MAP3K20: variants seen among roughly 807,000 people sequenced by gnomAD.
MAP3K20 encodes mitogen-activated protein kinase kinase kinase 20, also known as HCCS-4.
MAP3K20 carries 40 observed loss-of-function variants against 85.7 expected under a neutral mutation model. That is an observed-to-expected ratio of 0.47 (90% CI 0.36 to 0.61). MAP3K20 has a LOEUF of 0.61. MAP3K20 is among the 20% of genes least tolerant of loss of function. MAP3K20 has a pLI of 0.00. For synonymous variants in MAP3K20, 325 were observed against 327.7 expected (o/e 0.99, Z 0.09); for missense variants, 817 against 961.7 (o/e 0.85, Z 1.99).
intron 2 of MAP3K20, among the ~76,000 whole-genome samples, chr2:173,091,762 G>A (rs1274066696): frequency 6.6e-6 from 1 of 152,150 alleles, no homozygotes; most frequent in African/African-American, 2.4e-5. Context: ...TCAGAAAAGG[G>A]TCTTGGCTTT....
intron 2 of MAP3K20, among the ~76,000 whole-genome samples, chr2:173,161,634 A>G (rs1438267030): frequency 6.6e-6 from 1 of 152,210 alleles, no homozygotes; most frequent in African/African-American, 2.4e-5. Flanking sequence ...TCTAAAGGGT[A>G]GCAGACCATA....
At position 173,076,101 on chromosome 2, in the gene MAP3K20, G is replaced by A. The variant is rs1290936751; in HGVS notation, c.-35+99G>A. On this transcript the variant is annotated intron_variant, in intron 1 of 19. Coordinates refer to ENST00000375213, the MANE Select transcript of MAP3K20 (RefSeq NM_016653.3). ...TGCGTCTCGGGGCCGAGGCTCCGCC[G>A]GAGCCCGGGAGTCTAGGCGGCCTCG... 9.2e-6 allele frequency: 8 copies of A among 872,128 alleles called. No individual in the cohort carries two copies. In the African/African-American group the frequency reaches 1.1e-4, roughly 12 times the overall value. 54.0% of individuals were successfully genotyped at this position (872,128 alleles called of 1,614,324 possible).
rs1237947488 is a variant in MAP3K20, at chr2:173,239,105, C to T, written c.1267-299C>T. On this transcript the variant is annotated intron_variant, in intron 15 of 19. Coordinates refer to ENST00000375213, the MANE Select transcript of MAP3K20 (RefSeq NM_016653.3). ...GAAGTTGAAATCTCACAATGCATCT[C>T]TAGGTGCTAAGTGCATTTCTAGGGT... Among the ~76,000 whole-genome samples the T allele has an allele frequency of 2.0e-5, 3 of 152,262 alleles. No homozygotes were observed. In the East Asian group the frequency reaches 5.8e-4, roughly 29 times the overall value.
At chr2:173,260,347 G>C (rs886970013) in intron 17 of MAP3K20, among the ~76,000 whole-genome samples, 1 of 152,256 alleles carries the variant, frequency 6.6e-6, no homozygotes, top group Middle Eastern at 3.4e-3. Context: ...CAGCCTGGGC[G>C]ACAGAGTGAG....
At chr2:173,080,738 C>T (rs1487886383) in intron 1 of MAP3K20, among the ~76,000 whole-genome samples, 4 of 152,116 alleles carry the variant, frequency 2.6e-5, no homozygotes, top group African/African-American at 9.7e-5. Context: ...TGTCCTGTTC[C>T]CAAGTTATAC....
chr2:173,150,134 G>T (rs1309007097), intron 2 of MAP3K20, among the ~76,000 whole-genome samples: 2 of 152,238 alleles, frequency 1.3e-5, no homozygotes. Context: ...TGTGGTGATT[G>T]TGAGTCTAAA....
chr2:173,263,936 G>A, intron 19 of MAP3K20, 41 bp downstream of exon 19: 1 of 1,568,108 alleles, frequency 6.4e-7, no homozygotes, highest in African/African-American at 1.4e-5. Flanking sequence ...CTAGATTCCA[G>A]AAACTTAATT....
chr2:173,234,472 C>T (rs931342049), intron 14 of MAP3K20, among the ~76,000 whole-genome samples: 5 of 152,142 alleles, frequency 3.3e-5, no homozygotes, highest in Admixed American at 6.5e-5. Flanking sequence ...ATCCCCTTGG[C>T]AACTGGGAGG....
At chr2:173,251,428 T>C (rs1685040346) in intron 16 of MAP3K20, among the ~76,000 whole-genome samples, 1 of 152,222 alleles carries the variant, frequency 6.6e-6, no homozygotes, top group Admixed American at 6.5e-5. Flanking sequence ...ATGACCTGGC[T>C]ACAAATCTCC....
intron 9 of MAP3K20, among the ~76,000 whole-genome samples, chr2:173,205,354 A>C (rs562096304): frequency 6.6e-6 from 1 of 152,244 alleles, no homozygotes; most frequent in East Asian, 1.9e-4. Context: ...ATGGCCATAA[A>C]ATATACTCTG....
chr2:173,078,268 C>T (rs1686921105), intron 1 of MAP3K20, among the ~76,000 whole-genome samples: 1 of 151,944 alleles, frequency 6.6e-6, no homozygotes, highest in African/African-American at 2.4e-5. Flanking sequence ...ATAAGATAGC[C>T]CTATGTCTGT....
chr2:173,222,093 T>G, intron 11 of MAP3K20: 1 of 913,200 alleles, frequency 1.1e-6, no homozygotes, highest in South Asian at 5.1e-5. Flanking sequence ...TCCCAGATAC[T>G]TGGGAGGCCA....
chr2:173,122,134 C>T (rs961178074), intron 2 of MAP3K20, among the ~76,000 whole-genome samples: 1 of 152,198 alleles, frequency 6.6e-6, no homozygotes, highest in Non-Finnish European at 1.5e-5. Flanking sequence ...AGCAATCACC[C>T]GTGAATTAAT....
intron 2 of MAP3K20, among the ~76,000 whole-genome samples, chr2:173,094,658 G>T (rs889256462): frequency 6.6e-6 from 1 of 152,104 alleles, no homozygotes; most frequent in Admixed American, 6.5e-5. Flanking sequence ...CTCATTTGGG[G>T]TTTATGTGAT....
chr2:173,197,461 C>T (rs1690886059), intron 7 of MAP3K20, among the ~76,000 whole-genome samples: 1 of 152,164 alleles, frequency 6.6e-6, no homozygotes, highest in African/African-American at 2.4e-5. Context: ...CTTAGACCGA[C>T]TCATTTTGCG....
intron 2 of MAP3K20, among the ~76,000 whole-genome samples, chr2:173,144,168 A>G (rs1487173033): frequency 1.3e-5 from 2 of 151,992 alleles, no homozygotes; most frequent in African/African-American, 4.8e-5. Flanking sequence ...AAAGAAAATA[A>G]AAGAAAGAAA....
At position 173,185,236 on chromosome 2, in the gene MAP3K20, G is replaced by A. The variant is rs143640089; in HGVS notation, c.349+2281G>A. Among the ~76,000 whole-genome samples, 388 of 152,166 alleles carry A rather than the reference G, an allele frequency of 2.5e-3. 2 individuals carry two copies. Among genetic ancestry groups the A allele is most frequent in the African/African-American group, 9.0e-3 (373 of 41,516 alleles). ...AGCCTGGGCGACCGAGTGAGACTCTGTCTCAAAAAAATAAAAAAAGGGAAG... is the reference window on the plus strand; with the variant it reads ...AGCCTGGGCGACCGAGTGAGACTCTATCTCAAAAAAATAAAAAAAGGGAAG... On this transcript the variant is annotated intron_variant, in intron 4 of 19. Transcript: ENST00000375213.
At chr2:173,079,890 C>CT (rs1211064426) in intron 1 of MAP3K20, among the ~76,000 whole-genome samples, 2,452 of 140,198 alleles carry the variant, frequency 0.017, 56 homozygotes, top group African/African-American at 0.057. Context: ...AGTTAATTTT[C>CT]TTTTTTTTTT....
At chr2:173,132,471 C>G (rs1173646577) in intron 2 of MAP3K20, among the ~76,000 whole-genome samples, 1 of 152,182 alleles carries the variant, frequency 6.6e-6, no homozygotes, top group African/African-American at 2.4e-5. Flanking sequence ...AGCTGAAATG[C>G]ATTTCTACCC....
Sources: gnomAD v4.1 joint callset for allele counts (sites outside exome capture counted in the v4.1 genomes callset) on GRCh38, gnomAD v4.1.1 for gene constraint, MANE v1.5 for transcripts, NCBI Gene and HGNC (gene_info 2026-07-23, HGNC 2026-07-21) for gene names.